GTF2F1: variants seen among roughly 807,000 people sequenced by gnomAD.
GTF2F1 encodes general transcription factor IIF 74 kDa subunit.
GTF2F1 carries 39 observed loss-of-function variants against 63.5 expected under a neutral mutation model. The observed-to-expected ratio is 0.61, with a 90% CI of 0.48 to 0.80. The LOEUF is 0.80. GTF2F1 is among the 30% of genes least tolerant of loss of function. The pLI, the probability that GTF2F1 is intolerant of heterozygous loss-of-function variation, is 0.00. For missense variants in GTF2F1, 657 were observed against 718.3 expected, an observed-to-expected ratio of 0.91 and a Z score of 0.97; for synonymous variants, 287 against 285.3, an observed-to-expected ratio of 1.01 and a Z score of -0.06.
In GTF2F1 at chr19:6,381,962, C is replaced by T; in HGVS notation, c.683-112G>A. 4 of 869,118 alleles carry T rather than the reference C, an allele frequency of 4.6e-6. No individual in the cohort carries two copies. Among genetic ancestry groups the T allele is most frequent in the Non-Finnish European group, 7.1e-6 (4 of 566,450 alleles). 53.8% of individuals were successfully genotyped at this position (869,118 alleles called of 1,614,324 possible). On this transcript the variant is annotated intron_variant, in intron 6 of 12. Coordinates refer to ENST00000394456, the MANE Select transcript of GTF2F1 (RefSeq NM_002096.3). This position sits in a 1 kb window ranked among gnomAD's most constrained non-coding sequence, Gnocchi z 4.1. ...TTGACATCCTGGGGGGCCTCACTGACTGGGGAGACTACACCTCCAGGGCCA... is the reference window on the plus strand; with the variant it reads ...TTGACATCCTGGGGGGCCTCACTGATTGGGGAGACTACACCTCCAGGGCCA...
In GTF2F1 at chr19:6,384,227, G is replaced by C. The variant is rs190787897; in HGVS notation, c.498-732C>G. Among the ~76,000 whole-genome samples, 159 of 152,058 alleles carry C rather than the reference G, an allele frequency of 1.0e-3. 1 individual carries two copies. Among genetic ancestry groups the C allele is most frequent in the African/African-American group, 3.4e-3 (140 of 41,508 alleles). ...TTTAAAAAACAGGACTGCAGGCCAG[G>C]TTGGGCGCGGTGGCTCACGCCTGTA... is the stretch of plus-strand genomic sequence containing the variant. On this transcript the variant is annotated intron_variant, in intron 5 of 12. Transcript: ENST00000394456.
intron 5 of GTF2F1, among the ~76,000 whole-genome samples, chr19:6,386,417 CA>C (rs1301048602): frequency 6.7e-6 from 1 of 149,236 alleles, no homozygotes; most frequent in East Asian, 2.1e-4. Context: ...AACAAACAAA[CA>C]AAAAAACACC....
rs899469687 is a variant in GTF2F1, at chr19:6,383,382, T to C, written c.611A>G (p.Glu204Gly). 6 of 1,614,102 alleles carry C rather than the reference T, an allele frequency of 3.7e-6. No homozygotes were observed. The highest frequency in any genetic ancestry group is 4.2e-6 in the Non-Finnish European group (5 of 1,180,048). ...GTCCTCCAGGTCGTGGATGCGCAGC[T>C]CGCTCGCCTTCCTGCGGCCACGTTT... ...KEKRGRRKASELRIHDLEDDL... is the reference protein window; with the variant it reads ...KEKRGRRKASGLRIHDLEDDL... The change falls in exon 6 of 13, where the codon GAG becomes GGG. Residue 204 changes from glutamate (E) to glycine (G), a missense_variant. This residue lies in a region of GTF2F1 where 602 missense variants were observed against 625.6 expected (regional missense o/e 0.96). Coordinates refer to ENST00000394456, the MANE Select transcript of GTF2F1 (RefSeq NM_002096.3). This position sits in a 1 kb window ranked among gnomAD's most constrained non-coding sequence, Gnocchi z 4.5.
At chr19:6,384,424 A>G (rs1049866886) in intron 5 of GTF2F1, among the ~76,000 whole-genome samples, 1 of 151,854 alleles carries the variant, frequency 6.6e-6, no homozygotes, top group Non-Finnish European at 1.5e-5. Flanking sequence ...AGGAGAATCA[A>G]TTGAACCCAG....
At chr19:6,384,806 T>TG (rs1440704020) in intron 5 of GTF2F1, among the ~76,000 whole-genome samples, 2 of 152,044 alleles carry the variant, frequency 1.3e-5, no homozygotes, top group Non-Finnish European at 2.9e-5. Context: ...TCTTTTGAGT[T>TG]GGAGTCTTGA....
chr19:6,382,898 T>G (rs896068099), intron 6 of GTF2F1, among the ~76,000 whole-genome samples: 1 of 151,872 alleles, frequency 6.6e-6, no homozygotes, highest in Non-Finnish European at 1.5e-5. Context: ...CGGCCTCGCC[T>G]GACTCTCATT....
chr19:6,381,650 C>G lies in GTF2F1; in HGVS notation c.837-35G>C. On this transcript the variant is annotated intron_variant, in intron 7 of 12. Coordinates refer to ENST00000394456, the MANE Select transcript of GTF2F1 (RefSeq NM_002096.3). The surrounding 1 kb of genome is among the most constrained non-coding windows in gnomAD (Gnocchi z 4.1). ...GGGGATGGCAAAGGATGAGCGCGCG[C>G]TCGCGAGGCTGCATGGGGTCTCGCA... 2 of 1,614,046 alleles carry G rather than the reference C, an allele frequency of 1.2e-6. No individual in the cohort carries two copies. The highest frequency in any genetic ancestry group is 3.3e-5 in the Admixed American group (2 of 60,020).
intron 2 of GTF2F1, chr19:6,392,503 T>C (rs1293112719): frequency 1.9e-6 from 1 of 537,180 alleles, no homozygotes; most frequent in Admixed American, 2.3e-5. Flanking sequence ...GAGGCACTCA[T>C]GGCAGAGGAA....
In GTF2F1 at chr19:6,383,929, C is replaced by CG. The variant is rs150384410; in HGVS notation, c.498-435dup. Among the ~76,000 whole-genome samples the CG allele has an allele frequency of 0.031, 4,696 of 151,526 alleles. 211 individuals are homozygous for CG. Among genetic ancestry groups the CG allele is most frequent in the African/African-American group, 0.11 (4,444 of 41,278 alleles). ...CTCCTGACTCAGCCTCCCAGATAGC[C>CG]GGGGTTCCAGGCGCCTGCCACCACG... On this transcript the variant is annotated intron_variant, in intron 5 of 12. Coordinates refer to ENST00000394456, the MANE Select transcript of GTF2F1 (RefSeq NM_002096.3). This position sits in a 1 kb window ranked among gnomAD's most constrained non-coding sequence, Gnocchi z 4.5.
In GTF2F1 at chr19:6,383,371, G is replaced by C; in HGVS notation, c.622C>G (p.His208Asp). ...GRRKASELRI[H>D]DLEDDLEMSS... ...ATCTCCAGGTCGTCCTCCAGGTCGT[G>C]GATGCGCAGCTCGCTCGCCTTCCTG... The change falls in exon 6 of 13, where the codon CAC becomes GAC. Residue 208 changes from histidine (H) to aspartate (D), a missense_variant. Around this residue, in one of 2 missense-constraint regions of GTF2F1, gnomAD observed 602 missense variants for 625.6 expected, o/e 0.96. Coordinates refer to ENST00000394456, the MANE Select transcript of GTF2F1 (RefSeq NM_002096.3). The surrounding 1 kb of genome is among the most constrained non-coding windows in gnomAD (Gnocchi z 4.5). The C allele has an allele frequency of 6.2e-7, 1 of 1,614,202 alleles. No homozygotes were observed.
rs780640562 is a variant in GTF2F1, at chr19:6,381,932, C to T, written c.683-82G>A. On this transcript the variant is annotated intron_variant, in intron 6 of 12. Transcript: ENST00000394456. This position sits in a 1 kb window ranked among gnomAD's most constrained non-coding sequence, Gnocchi z 4.1. ...TTTATTGTGTTTTTCACATTTTGTGCAGTTTTGACATCCTGGGGGGCCTCA... is the reference window on the plus strand; with the variant it reads ...TTTATTGTGTTTTTCACATTTTGTGTAGTTTTGACATCCTGGGGGGCCTCA... The T allele has an allele frequency of 3.9e-5, 47 of 1,205,858 alleles. No homozygotes were observed. Among genetic ancestry groups the T allele is most frequent in the Non-Finnish European group, 5.4e-5 (46 of 848,344 alleles). The allele number at this position is 1,205,858 out of a possible 1,614,324, so 74.7% of individuals were successfully genotyped here.
Position 6,392,890 on chromosome 19 carries a change from T to C in GTF2F1, c.26A>G (p.Gln9Arg). The C allele has an allele frequency of 6.2e-7, 1 of 1,614,108 alleles. No homozygotes were observed. Among genetic ancestry groups the C allele is most frequent in the Non-Finnish European group, 8.5e-7 (1 of 1,179,996 alleles). ...TCGAACGACGTATTCAGTGACATTCTGGCTGCTAGGGCCCTGCGGAAAGAG... is the reference window on the plus strand; with the variant it reads ...TCGAACGACGTATTCAGTGACATTCCGGCTGCTAGGGCCCTGCGGAAAGAG... MAALGPSSQNVTEYVVRVP... is the reference protein window; with the variant it reads MAALGPSSRNVTEYVVRVP... Residue 9 changes from glutamine (Q) to arginine (R), a missense_variant, in exon 2 of 13, where the codon CAG becomes CGG. Transcript: ENST00000394456.
chr19:6,379,942 G>A lies in GTF2F1; in HGVS notation c.*339C>T. ...AGTCACAGCTGAAGAGAGACTTAGG[G>A]AAGTGGAAGGGAGAACTGTAGAAGT... On this transcript the variant is annotated 3_prime_UTR_variant, in exon 13 of 13. Transcript: ENST00000394456. The A allele has an allele frequency of 5.3e-6, 2 of 374,182 alleles. No individual in the cohort carries two copies. Among genetic ancestry groups the A allele is most frequent in the East Asian group, 1.2e-4 (2 of 17,094 alleles). 23.2% of individuals were successfully genotyped at this position (374,182 alleles called of 1,614,324 possible). A position where few individuals can be genotyped will look rare whatever the true frequency, so the allele number is the denominator to read the frequency against.
chr19:6,382,193 G>C lies in GTF2F1; in HGVS notation c.683-343C>G, dbSNP rs577293367. 1.7e-4 allele frequency among the ~76,000 whole-genome samples: 26 copies of C among 152,226 alleles called. No individual in the cohort carries two copies. In the East Asian group the frequency reaches 5.0e-3, roughly 29 times the overall value. On this transcript the variant is annotated intron_variant, in intron 6 of 12. Transcript: ENST00000394456. The stretch of plus-strand genomic sequence containing the variant: ...GTTGCAGTTTCTCATAGGAACCCCC[G>C]TAAAGGCCACAGCCAGGCCAGGTGC...
rs1296392495 is a variant in GTF2F1, at chr19:6,383,691, G to A, written c.498-196C>T. On this transcript the variant is annotated intron_variant, in intron 5 of 12. Transcript: ENST00000394456. The surrounding 1 kb of genome is among the most constrained non-coding windows in gnomAD (Gnocchi z 4.5). ...TTCCTGCCTTCCCGTTCTGCCCCGA[G>A]TCCCTCAAAGAGCAGGTCCCCATGT... is the stretch of plus-strand genomic sequence containing the variant. Among the ~76,000 whole-genome samples, 1 of 152,206 alleles carries A rather than the reference G, an allele frequency of 6.6e-6. No homozygotes were observed. Among genetic ancestry groups the A allele is most frequent in the Non-Finnish European group, 1.5e-5 (1 of 68,036 alleles).
At chr19:6,389,347 CTG>C in intron 4 of GTF2F1, 95 bp downstream of exon 4, 1 of 937,300 alleles carries the variant, frequency 1.1e-6, no homozygotes. Context: ...CAGTGGGAAT[CTG>C]AGGTTCAGAG....
chr19:6,380,015 C>T lies in GTF2F1; in HGVS notation c.*266G>A. ...CTTGGTCAGTGTGAGGGAGGCCGAG[C>T]CAGGAGGAGGAGGACAATAAGAAGG... is the stretch of plus-strand genomic sequence containing the variant. On this transcript the variant is annotated 3_prime_UTR_variant, in exon 13 of 13. Coordinates refer to ENST00000394456, the MANE Select transcript of GTF2F1 (RefSeq NM_002096.3). This position sits in a 1 kb window ranked among gnomAD's most constrained non-coding sequence, Gnocchi z 5.3. The T allele has an allele frequency of 1.9e-6, 1 of 532,220 alleles. No individual in the cohort carries two copies. Among genetic ancestry groups the T allele is most frequent in the Non-Finnish European group, 3.4e-6 (1 of 294,378 alleles). The allele number at this position is 532,220 out of a possible 1,614,324, so 33.0% of individuals were successfully genotyped here. A position where few individuals can be genotyped will look rare whatever the true frequency, so the allele number is the denominator to read the frequency against.
Position 6,385,268 on chromosome 19 carries a change from G to A in GTF2F1, c.498-1773C>T, listed in dbSNP as rs531397376. On this transcript the variant is annotated intron_variant, in intron 5 of 12. Transcript: ENST00000394456. Reference sequence around the variant, plus strand: ...AAATTAGCCAGGTGGGGAGGTGCACGTGTGTAGTCCCAGCTACTCGCAAGG... The same window carrying A: ...AAATTAGCCAGGTGGGGAGGTGCACATGTGTAGTCCCAGCTACTCGCAAGG... 4.0e-5 allele frequency among the ~76,000 whole-genome samples: 6 copies of A among 151,538 alleles called. No homozygotes were observed. The South Asian group carries it at 6.3e-4, about 16-fold the overall frequency.
chr19:6,381,567 C>G lies in GTF2F1; in HGVS notation c.885G>C (p.Glu295Asp). ...PESKAKAPQQ[E>D]EGPKGVDEQS... is the part of the protein sequence containing the mutation. ...GCCATCGCCTACCCTTGGGCCCCTC[C>G]TCCTGCTGCGGCGCCTTGGCCTTGC... The change falls in exon 8 of 13, where the codon GAG becomes GAC. Residue 295 changes from glutamate to aspartate, a missense_variant. By Grantham distance (45) the Glu-to-Asp change is conservative. This residue lies in a region of GTF2F1 where 602 missense variants were observed against 625.6 expected (regional missense o/e 0.96). Coordinates refer to ENST00000394456, the MANE Select transcript of GTF2F1 (RefSeq NM_002096.3). The surrounding 1 kb of genome is among the most constrained non-coding windows in gnomAD (Gnocchi z 4.1). 6.2e-7 allele frequency: 1 copy of G among 1,613,514 alleles called. No homozygotes were observed. Among genetic ancestry groups the G allele is most frequent in the Non-Finnish European group, 8.5e-7 (1 of 1,180,018 alleles).
Sources: gnomAD v4.1 joint callset for allele counts (sites outside exome capture counted in the v4.1 genomes callset) on GRCh38, gnomAD v4.1.1 for gene constraint, gnomAD v4.1.1 regional missense constraint, Gnocchi (gnomAD v3.1) non-coding constraint, MANE v1.5 for transcripts, NCBI Gene and HGNC (gene_info 2026-07-23, HGNC 2026-07-21) for gene names.